BET1: variants seen among roughly 807,000 people sequenced by gnomAD.
The protein encoded by BET1 is BET1 homolog.
In BET1, 9 loss-of-function variants were observed where a neutral mutation model predicts 13.9. The ratio of observed to expected loss-of-function variants is 0.65; its 90% CI spans 0.39 to 1.13. The LOEUF (loss-of-function observed/expected upper bound fraction) is 1.13, where lower values mean the gene tolerates loss of function less well. BET1 is among the 50% of genes most tolerant of loss of function. BET1 has a pLI of 0.01. For missense variants in BET1, 127 were observed against 133.6 expected (o/e 0.95, Z 0.24); for synonymous variants, 39 against 47.3 (o/e 0.82, Z 0.72).
At chr7:93,977,335 C>A (rs1383395030) in intron 4 of BET1, among the ~76,000 whole-genome samples, 1 of 152,086 alleles carries the variant, frequency 6.6e-6, no homozygotes, top group South Asian at 2.1e-4. Context: ...GGGGCAGGCA[C>A]CTCTAGTTTT....
exon 7 of BET1, chr7:93,964,640 T>C (rs570186163): frequency 3.3e-5 from 5 of 151,844 alleles, no homozygotes; most frequent in Admixed American, 6.6e-5. Flanking sequence ...AACAACCCCA[T>C]TAAAAGGTGG....
At chr7:93,979,445 A>T (rs1795391567) in intron 4 of BET1, among the ~76,000 whole-genome samples, 1 of 152,120 alleles carries the variant, frequency 6.6e-6, no homozygotes, top group African/African-American at 2.4e-5. Context: ...TTAACATTCT[A>T]TCCTAATTTG....
intron 1 of BET1, among the ~76,000 whole-genome samples, chr7:94,002,384 C>T (rs1474638499): frequency 6.7e-6 from 1 of 148,424 alleles, no homozygotes; most frequent in Non-Finnish European, 1.5e-5. Flanking sequence ...TGTCACTTCA[C>T]ACCAATGTAA....
chr7:93,976,370 G>GTA lies in BET1; in HGVS notation c.236-272_236-271dup, dbSNP rs201150564. Among the ~76,000 whole-genome samples the GTA allele has an allele frequency of 4.8e-3, 727 of 151,606 alleles. 11 individuals are homozygous for GTA. The highest frequency in any genetic ancestry group is 0.016 in the African/African-American group (665 of 41,338). ...TGTGTGTGTGTGTGTGTGTGTGTGT[G>GTA]TAAACATACATTCAGCATCTGCAAA... is the stretch of plus-strand genomic sequence containing the variant. On this transcript the variant is annotated intron_variant and NMD_transcript_variant, in intron 4 of 6. Transcript: ENST00000357520.
intron 4 of BET1, among the ~76,000 whole-genome samples, chr7:93,978,715 C>T (rs115346443): frequency 9.5e-4 from 145 of 152,200 alleles, no homozygotes; most frequent in African/African-American, 2.2e-3. Flanking sequence ...TGCAAACTTA[C>T]ATCATGAAAA....
chr7:93,987,233 G>A (rs764614818), intron 4 of BET1: 1 of 152,122 alleles, frequency 6.6e-6, no homozygotes, highest in Admixed American at 6.6e-5. Flanking sequence ...TGGAAAGCAA[G>A]TTCAGCCACT....
intron 5 of BET1, among the ~76,000 whole-genome samples, chr7:93,973,596 A>G (rs541460735): frequency 2.0e-4 from 30 of 152,114 alleles, no homozygotes; most frequent in African/African-American, 7.0e-4. Flanking sequence ...TACAAACCAT[A>G]CATTTTAAAA....
chr7:93,992,620 A>G, downstream of BET1: 3 of 985,102 alleles, frequency 3.0e-6, no homozygotes, highest in Non-Finnish European at 3.6e-6. Flanking sequence ...ACTTGGAGGT[A>G]TTTCATCACC....
chr7:93,975,458 A>G (rs1162329084), intron 5 of BET1, among the ~76,000 whole-genome samples: 1 of 152,078 alleles, frequency 6.6e-6, no homozygotes, highest in East Asian at 1.9e-4. Flanking sequence ...CTCTACAATG[A>G]GCATGTGATA....
At chr7:93,996,211 A>C in intron 3 of BET1, 54 bp downstream of exon 3, 6 of 1,291,692 alleles carry the variant, frequency 4.6e-6, no homozygotes, top group Non-Finnish European at 6.6e-6. Context: ...TTGAAATTCT[A>C]TTATTTGCGA....
chr7:93,975,916 A>C, exon 5 of BET1: 2 of 1,138,704 alleles, frequency 1.8e-6, no homozygotes, highest in Non-Finnish European at 2.2e-6. Flanking sequence ...CTTTCTTGGA[A>C]GATTTGGAAG....
intron 4 of BET1, among the ~76,000 whole-genome samples, chr7:93,981,108 T>C (rs1795420827): frequency 6.6e-6 from 1 of 152,198 alleles, no homozygotes; most frequent in South Asian, 2.1e-4. Context: ...ATTTGTAGTA[T>C]TTTATCTGTC....
intron 1 of BET1, among the ~76,000 whole-genome samples, chr7:94,000,945 C>T (rs1254561727): frequency 6.6e-6 from 1 of 152,118 alleles, no homozygotes; most frequent in East Asian, 1.9e-4. Context: ...TGAGACCAGC[C>T]TGGGCAACAC....
chr7:93,993,101 G>C, downstream of BET1: 1 of 979,922 alleles, frequency 1.0e-6, no homozygotes, highest in Non-Finnish European at 1.2e-6. Context: ...AGAGATTTTT[G>C]AAATAGAGTC....
exon 7 of BET1, chr7:93,964,851 G>A (rs1321666439): frequency 2.6e-5 from 4 of 152,040 alleles, no homozygotes; most frequent in African/African-American, 9.7e-5. Flanking sequence ...GCAGAGAAAA[G>A]AGAACACTTA....
At chr7:93,979,040 A>T (rs1488097643) in intron 4 of BET1, among the ~76,000 whole-genome samples, 1 of 152,174 alleles carries the variant, frequency 6.6e-6, no homozygotes, top group African/African-American at 2.4e-5. Flanking sequence ...AAAATAATTG[A>T]TGCTGCTGCT....
downstream of BET1, among the ~76,000 whole-genome samples, chr7:93,988,550 G>C (rs539449640): frequency 4.6e-5 from 7 of 152,272 alleles, no homozygotes; most frequent in South Asian, 2.1e-4. Context: ...GCATGGATTA[G>C]TACCAGTAGG....
At chr7:93,988,216 A>T (rs1292123620) in intron 4 of BET1, among the ~76,000 whole-genome samples, 1 of 152,240 alleles carries the variant, frequency 6.6e-6, no homozygotes, top group Admixed American at 6.5e-5. Flanking sequence ...GGTGTTTAAC[A>T]TAAGGTCCTT....
chr7:93,972,448 G>A (rs938300617), intron 6 of BET1: 2 of 151,854 alleles, frequency 1.3e-5, no homozygotes, highest in Non-Finnish European at 2.9e-5. Context: ...TCCAGATGGG[G>A]AAATAGAAAG....
Sources: gnomAD v4.1 joint callset for allele counts (sites outside exome capture counted in the v4.1 genomes callset) on GRCh38, gnomAD v4.1.1 for gene constraint, MANE v1.5 for transcripts, NCBI Gene and HGNC (gene_info 2026-07-23, HGNC 2026-07-21) for gene names.